Variants in FIGN observed in about 807,000 individuals in gnomAD.
FIGN encodes fidgetin.
FIGN carries 11 observed loss-of-function variants against 51.3 expected under a neutral mutation model. The observed-to-expected ratio is 0.21, with a 90% CI of 0.13 to 0.35. FIGN has a LOEUF of 0.35. FIGN is among the 10% of genes least tolerant of loss of function. The probability of loss-of-function intolerance (pLI) is 1.00; values close to 1 mark genes in which losing one functional copy is unlikely to be tolerated. For synonymous variants in FIGN, 407 were observed against 363.2 expected (o/e 1.12, Z -1.37); for missense variants, 857 against 943.6 (o/e 0.91, Z 1.20).
intron 2 of FIGN, among the ~76,000 whole-genome samples, chr2:163,675,619 G>A (rs972293084): frequency 6.6e-6 from 1 of 151,766 alleles, no homozygotes; most frequent in Non-Finnish European, 1.5e-5. Context: ...ATCTGCATGT[G>A]CGCATGCCCA....
intron 2 of FIGN, among the ~76,000 whole-genome samples, chr2:163,669,427 G>C (rs1415076178): frequency 1.3e-5 from 2 of 152,058 alleles, no homozygotes; most frequent in Admixed American, 6.6e-5. Flanking sequence ...TGTTGCCCAG[G>C]CTTACTTCAG....
At chr2:163,677,240 A>C (rs1683987317) in intron 2 of FIGN, among the ~76,000 whole-genome samples, 1 of 152,250 alleles carries the variant, frequency 6.6e-6, no homozygotes, top group African/African-American at 2.4e-5. Flanking sequence ...TACTGTTTCA[A>C]AGTTTCATTT....
chr2:163,627,942 A>G (rs1329581937), intron 2 of FIGN, among the ~76,000 whole-genome samples: 1 of 152,176 alleles, frequency 6.6e-6, no homozygotes, highest in Non-Finnish European at 1.5e-5. Flanking sequence ...AATTATGAGA[A>G]TATAGGTTAC....
intron 2 of FIGN, among the ~76,000 whole-genome samples, chr2:163,685,031 C>A (rs1031526813): frequency 6.6e-6 from 1 of 151,792 alleles, no homozygotes; most frequent in South Asian, 2.1e-4. Flanking sequence ...GTGATTCACC[C>A]GCTTCAGCCT....
Position 163,691,304 on chromosome 2 carries a change from T to C in FIGN, c.25+43599A>G, listed in dbSNP as rs557770719. Reference sequence around the variant, plus strand: ...TACAATTACATTAAAATGGGGTATCTGCTGTATCTTGAAAAGAAAATAAAG... The same window carrying C: ...TACAATTACATTAAAATGGGGTATCCGCTGTATCTTGAAAAGAAAATAAAG... On this transcript the variant is annotated intron_variant, in intron 2 of 2. Coordinates refer to ENST00000333129, the MANE Select transcript of FIGN (RefSeq NM_018086.4). Among the ~76,000 whole-genome samples, 142 of 152,304 alleles carry C rather than the reference T, an allele frequency of 9.3e-4. 2 individuals are homozygous for C. Among genetic ancestry groups the C allele is most frequent in the African/African-American group, 3.4e-3 (140 of 41,574 alleles).
At chr2:163,682,515 C>T (rs972200134) in intron 2 of FIGN, among the ~76,000 whole-genome samples, 1 of 152,088 alleles carries the variant, frequency 6.6e-6, no homozygotes, top group Non-Finnish European at 1.5e-5. Context: ...AAGACACATC[C>T]AGAAAATAAT....
At position 163,609,722 on chromosome 2, in the gene FIGN, G is replaced by A; in HGVS notation, c.2110C>T (p.Pro704Ser). 6.2e-7 allele frequency: 1 copy of A among 1,614,050 alleles called. No individual in the cohort carries two copies. Among genetic ancestry groups the A allele is most frequent in the Non-Finnish European group, 8.5e-7 (1 of 1,180,002 alleles). ...AHLCQEAVVG[P>S]LHAMPATDLS... ...TCTGTGGCTGGCATGGCATGGAGGG[G>A]GCCCACCACTGCTTCCTGACACAAA... The change falls in exon 3 of 3, where the codon CCC becomes TCC. Residue 704 changes from proline (P) to serine (S), a missense_variant. Pro to Ser is a moderately conservative substitution (Grantham distance 74, BLOSUM62 -1). Transcript: ENST00000333129.
At chr2:163,697,462 T>A (rs1322094450) in intron 2 of FIGN, among the ~76,000 whole-genome samples, 1 of 151,860 alleles carries the variant, frequency 6.6e-6, no homozygotes, top group East Asian at 1.9e-4. Flanking sequence ...ACAGTGGTCC[T>A]CTCAGAGGCA....
At chr2:163,647,705 A>G (rs1683404162) in intron 2 of FIGN, among the ~76,000 whole-genome samples, 1 of 152,202 alleles carries the variant, frequency 6.6e-6, no homozygotes, top group Non-Finnish European at 1.5e-5. Context: ...TATTCATACA[A>G]ATGTACAATG....
At position 163,611,491 on chromosome 2, in the gene FIGN, T is replaced by C. The variant is rs1691258919; in HGVS notation, c.341A>G (p.Asn114Ser). 1 of 1,614,186 alleles carries C rather than the reference T, an allele frequency of 6.2e-7. No individual in the cohort carries two copies. Among genetic ancestry groups the C allele is most frequent in the Non-Finnish European group, 8.5e-7 (1 of 1,180,016 alleles). ...GTTCATGGGATAAACAGCTTCTGAA[T>C]TCAAGGAAGGCTGCCAGGGTTCACT... The part of the protein sequence containing the change: ...NESEPWQPSL[N>S]SEAVYPMNCV... Residue 114 changes from asparagine (N) to serine (S), a missense_variant, in exon 3 of 3, where the codon AAT becomes AGT. Physicochemically the swap from Asn to Ser is conservative, Grantham distance 46. Coordinates refer to ENST00000333129, the MANE Select transcript of FIGN (RefSeq NM_018086.4).
At chr2:163,704,654 TCTCACACA>T (rs1354178243) in intron 2 of FIGN, among the ~76,000 whole-genome samples, 9 of 132,044 alleles carry the variant, frequency 6.8e-5, no homozygotes, top group Middle Eastern at 3.7e-3. Context: ...TCTCTCTCTC[TCTCACACA>T]CACACACACA....
At chr2:163,647,301 C>G (rs775225002) in intron 2 of FIGN, among the ~76,000 whole-genome samples, 66 of 152,212 alleles carry the variant, frequency 4.3e-4, no homozygotes, top group Admixed American at 1.5e-3. Flanking sequence ...CTGTCCCCTT[C>G]TTTCAGGTAA....
intron 2 of FIGN, among the ~76,000 whole-genome samples, chr2:163,725,469 A>G (rs921991194): frequency 3.3e-5 from 5 of 152,088 alleles, no homozygotes; most frequent in African/African-American, 9.6e-5. Flanking sequence ...TTAAGTATAC[A>G]TGTGCATTCC....
rs142407825 is a variant in FIGN, at chr2:163,680,309, A to G, written c.25+54594T>C. ...AGTCTTTCCAGACCATTTCTCTTCTACCTTCTTCTGGAATACATCCCCTTT... is the reference window on the plus strand; with the variant it reads ...AGTCTTTCCAGACCATTTCTCTTCTGCCTTCTTCTGGAATACATCCCCTTT... On this transcript the variant is annotated intron_variant, in intron 2 of 2. Coordinates refer to ENST00000333129, the MANE Select transcript of FIGN (RefSeq NM_018086.4). Among the ~76,000 whole-genome samples the G allele has an allele frequency of 2.4e-3, 362 of 152,128 alleles. 4 individuals carry two copies. Among genetic ancestry groups the G allele is most frequent in the African/African-American group, 7.9e-3 (329 of 41,502 alleles).
At chr2:163,628,040 A>G (rs1425500432) in intron 2 of FIGN, among the ~76,000 whole-genome samples, 1 of 152,204 alleles carries the variant, frequency 6.6e-6, no homozygotes, top group Non-Finnish European at 1.5e-5. Flanking sequence ...CCATCACTAG[A>G]AAAAACAAAT....
At chr2:163,664,645 A>T (rs1343810679) in intron 2 of FIGN, among the ~76,000 whole-genome samples, 1 of 152,150 alleles carries the variant, frequency 6.6e-6, no homozygotes, top group Non-Finnish European at 1.5e-5. Flanking sequence ...TAGGCCAGAG[A>T]TTCAACTCAG....
At chr2:163,688,921 C>A (rs953511551) in intron 2 of FIGN, among the ~76,000 whole-genome samples, 1 of 151,996 alleles carries the variant, frequency 6.6e-6, no homozygotes, top group East Asian at 1.9e-4. Context: ...TGTAATCCCA[C>A]CACTTTGCAA....
intron 2 of FIGN, among the ~76,000 whole-genome samples, chr2:163,726,887 G>C (rs1198546279): frequency 6.6e-6 from 1 of 151,066 alleles, no homozygotes; most frequent in South Asian, 2.1e-4. Flanking sequence ...AAGCATAAAA[G>C]AATAATAGTA....
At chr2:163,665,980 T>A (rs1022238317) in intron 2 of FIGN, among the ~76,000 whole-genome samples, 17 of 152,180 alleles carry the variant, frequency 1.1e-4, no homozygotes, top group African/African-American at 4.1e-4. Flanking sequence ...GCATGTCACA[T>A]GACTATGGCA....
Sources: gnomAD v4.1 joint callset for allele counts (sites outside exome capture counted in the v4.1 genomes callset) on GRCh38, gnomAD v4.1.1 for gene constraint, MANE v1.5 for transcripts, NCBI Gene and HGNC (gene_info 2026-07-23, HGNC 2026-07-21) for gene names.